Variants in CEP83 observed in about 807,000 individuals in gnomAD.
The protein encoded by CEP83 is centrosomal protein of 83 kDa.
CEP83 carries 70 observed loss-of-function variants against 101.9 expected under a neutral mutation model. The ratio of observed to expected loss-of-function variants is 0.69; its 90% confidence interval spans 0.57 to 0.84. CEP83 has a LOEUF of 0.84. Among genes scored for constraint, CEP83 ranks in the 40% least tolerant of loss-of-function variants. The probability of loss-of-function intolerance (pLI) is 0.00; values close to 1 mark genes in which losing one functional copy is unlikely to be tolerated. For missense variants in CEP83, 715 were observed against 787.2 expected, an observed-to-expected ratio of 0.91 and a Z score of 1.10; for synonymous variants, 264 against 267.9, an observed-to-expected ratio of 0.99 and a Z score of 0.14.
chr12:94,276,131 A>G, the CEP83 span, among the ~76,000 whole-genome samples: 3 of 152,208 alleles, frequency 2.0e-5, no homozygotes, highest in African/African-American at 4.8e-5. Context: ...GTTAAAGACA[A>G]TAGTGCCTTT....
intron 14 of CEP83, among the ~76,000 whole-genome samples, chr12:94,317,036 C>A (rs192452110): frequency 2.4e-4 from 36 of 152,240 alleles, no homozygotes; most frequent in Admixed American, 1.4e-3. Context: ...TACACTCCCA[C>A]CAACAGTGTA....
intron 6 of CEP83, among the ~76,000 whole-genome samples, chr12:94,386,435 G>A (rs2137296201): frequency 6.6e-6 from 1 of 152,270 alleles, no homozygotes; most frequent in South Asian, 2.1e-4. Context: ...CTGGAGCTCT[G>A]CAATACTCTG....
chr12:94,294,467 CTT>C, the CEP83 span: 1 of 1,161,224 alleles, frequency 8.6e-7, no homozygotes, highest in Non-Finnish European at 1.3e-6. Flanking sequence ...ACTCATATAT[CTT>C]TTATCTTTGG....
the CEP83 span, among the ~76,000 whole-genome samples, chr12:94,283,369 G>T: frequency 3.3e-5 from 5 of 152,138 alleles, no homozygotes; most frequent in Admixed American, 1.3e-4. Context: ...GCAATGGAGA[G>T]GGGGAAGGAG....
intron 12 of CEP83, among the ~76,000 whole-genome samples, chr12:94,333,992 T>C (rs2059349519): frequency 6.6e-6 from 1 of 151,944 alleles, no homozygotes; most frequent in Non-Finnish European, 1.5e-5. Context: ...CACTCTAGCC[T>C]TCTCCTCACC....
chr12:94,297,344 A>T, the CEP83 span: 1 of 1,614,076 alleles, frequency 6.2e-7, no homozygotes. Flanking sequence ...GCATTCCAAG[A>T]TGTGCAAGGA....
At chr12:94,322,268 C>G (rs1184896535) in intron 14 of CEP83, among the ~76,000 whole-genome samples, 2 of 152,350 alleles carry the variant, frequency 1.3e-5, no homozygotes, top group East Asian at 3.9e-4. Context: ...GGCTGCTAAA[C>G]AGCAGAAGTG....
the CEP83 span, among the ~76,000 whole-genome samples, chr12:94,284,087 GAAAAAAAAAAAA>G: frequency 2.4e-5 from 2 of 82,696 alleles, no homozygotes; most frequent in African/African-American, 8.4e-5. Flanking sequence ...CATGTCAGGG[GAAAAAAAAAAAA>G]AAAAAAAAAG....
chr12:94,444,411 A>T (rs2066646292), intron 1 of CEP83, among the ~76,000 whole-genome samples: 1 of 152,102 alleles, frequency 6.6e-6, no homozygotes, highest in Non-Finnish European at 1.5e-5. Flanking sequence ...AAAAGAAAAG[A>T]AAAGAAATTT....
Position 94,385,174 on chromosome 12 carries a change from G to A in CEP83, c.550-6132C>T, listed in dbSNP as rs745927344. On this transcript the variant is annotated intron_variant, in intron 6 of 16. Coordinates refer to ENST00000397809, the MANE Select transcript of CEP83 (RefSeq NM_016122.3). ...TCTCATGATACCCATAATGAACAGG[G>A]GTGGGAGTTCTGGTTCCCCATTAGG... Among the ~76,000 whole-genome samples, 131 of 152,210 alleles carry A rather than the reference G, an allele frequency of 8.6e-4. 1 individual carries two copies. Among genetic ancestry groups the A allele is most frequent in the Middle Eastern group, 6.8e-3 (2 of 294 alleles).
chr12:94,385,762 T>A (rs1024603889), intron 6 of CEP83, among the ~76,000 whole-genome samples: 1 of 152,208 alleles, frequency 6.6e-6, no homozygotes, highest in Admixed American at 6.5e-5. Flanking sequence ...CATTCTGGAA[T>A]GCAGCTAAGA....
At chr12:94,339,732 T>C (rs1196987446) in intron 11 of CEP83, among the ~76,000 whole-genome samples, 3 of 152,220 alleles carry the variant, frequency 2.0e-5, no homozygotes, top group Non-Finnish European at 4.4e-5. Context: ...ACCAACCTTC[T>C]GAAAGCATGG....
At chr12:94,391,122 G>A (rs2062499002) in intron 6 of CEP83, among the ~76,000 whole-genome samples, 1 of 152,102 alleles carries the variant, frequency 6.6e-6, no homozygotes, top group East Asian at 1.9e-4. Context: ...AGGAAATACA[G>A]AGAATGCCAC....
chr12:94,369,650 T>C (rs1414331710), intron 9 of CEP83: 2 of 235,032 alleles, frequency 8.5e-6, no homozygotes, highest in East Asian at 2.0e-4. Flanking sequence ...ATTTAAAATT[T>C]ATAAATCAGG....
At chr12:94,424,852 A>C in intron 2 of CEP83, 1 of 1,601,206 alleles carries the variant, frequency 6.2e-7, no homozygotes. Flanking sequence ...TGTTAGGTGT[A>C]CTGTTGCTTG....
chr12:94,376,941 G>A lies in CEP83; in HGVS notation c.802-924C>T, dbSNP rs142463521. ...TTTTTGTAGAGACAGGGTTTCACCC[G>A]TGTTGTTCAGGCTCATCTCAAACTC... On this transcript the variant is annotated intron_variant, in intron 7 of 16. Transcript: ENST00000397809. 6.4e-4 allele frequency among the ~76,000 whole-genome samples: 97 copies of A among 151,922 alleles called. No homozygotes were observed. In the East Asian group the frequency reaches 7.6e-3, roughly 12 times the overall value.
At chr12:94,393,595 T>C (rs2062699442) in intron 6 of CEP83, among the ~76,000 whole-genome samples, 1 of 152,170 alleles carries the variant, frequency 6.6e-6, no homozygotes, top group African/African-American at 2.4e-5. Context: ...TCACCACTCA[T>C]ATTCAACAGT....
chr12:94,399,567 T>G (rs1317406625), intron 6 of CEP83, among the ~76,000 whole-genome samples: 2 of 152,142 alleles, frequency 1.3e-5, no homozygotes, highest in Non-Finnish European at 2.9e-5. Flanking sequence ...GTATTTTTTG[T>G]TTATTTGTTT....
At position 94,313,027 on chromosome 12, in the gene CEP83, G is replaced by A. The variant is rs775222807; in HGVS notation, c.1708-10C>T. 1.6e-6 allele frequency: 2 copies of A among 1,230,934 alleles called. No homozygotes were observed. Among genetic ancestry groups the A allele is most frequent in the African/African-American group, 3.0e-5 (2 of 66,498 alleles). 76.3% of individuals were successfully genotyped at this position (1,230,934 alleles called of 1,614,324 possible). ...CATGAAGAGATTTTCTCTAAAAAGA[G>A]AAATATGAACAAGTATGTTAATACA... is the stretch of plus-strand genomic sequence containing the variant. On this transcript the variant is annotated splice_polypyrimidine_tract_variant and intron_variant, in intron 14 of 16. Transcript: ENST00000397809.
Sources: allele counts gnomAD v4.1 joint callset (sites outside exome capture counted in the v4.1 genomes callset), GRCh38; gene constraint gnomAD v4.1.1; transcripts MANE v1.5; gene names NCBI Gene and HGNC (gene_info 2026-07-23, HGNC 2026-07-21).